EPHA5: variants seen among roughly 807,000 people sequenced by gnomAD.
The protein encoded by EPHA5 is ephrin type-A receptor 5.
A neutral mutation model predicts 105.0 loss-of-function variants in EPHA5; 60 were observed. The ratio of observed to expected loss-of-function variants is 0.57; its 90% CI spans 0.46 to 0.71. The LOEUF (loss-of-function observed/expected upper bound fraction) is 0.71. EPHA5 is among the 30% of genes least tolerant of loss of function. EPHA5 has a pLI of 0.00. For missense variants in EPHA5, 1,218 were observed against 1,274.7 expected (o/e 0.96, Z 0.68); for synonymous variants, 513 against 449.1 (o/e 1.14, Z -1.80).
rs1297209850 is a variant in EPHA5, at chr4:65,496,676, G to A, written c.911-1133C>T. Among the ~76,000 whole-genome samples the A allele has an allele frequency of 2.6e-5, 4 of 152,018 alleles. No homozygotes were observed. The East Asian group carries it at 7.8e-4, about 30-fold the overall frequency. ...CCAAGTCTTTGCTATTGTGAATAAT[G>A]CCGCAATAAACATACGTGTGCATGT... On this transcript the variant is annotated intron_variant, in intron 3 of 16. Coordinates refer to ENST00000613740, the MANE Select transcript of EPHA5 (RefSeq NM_001281766.3).
intron 3 of EPHA5, among the ~76,000 whole-genome samples, chr4:65,522,304 G>GTATATA (rs1475946732): frequency 9.8e-6 from 1 of 101,786 alleles, no homozygotes; most frequent in East Asian, 3.2e-4. Context: ...ATATGTGTGT[G>GTATATA]TATATATATA....
chr4:65,447,976 T>C (rs1181242432), intron 5 of EPHA5, among the ~76,000 whole-genome samples: 1 of 152,092 alleles, frequency 6.6e-6, no homozygotes, highest in African/African-American at 2.4e-5. Context: ...GACCAATTTC[T>C]AAAATAGATG....
intron 7 of EPHA5, among the ~76,000 whole-genome samples, chr4:65,408,604 G>A (rs1422424252): frequency 6.6e-6 from 1 of 152,022 alleles, no homozygotes; most frequent in African/African-American, 2.4e-5. Flanking sequence ...CACCATCACT[G>A]GCCATCAGAG....
At chr4:65,561,722 C>T (rs1739034089) in intron 3 of EPHA5, among the ~76,000 whole-genome samples, 1 of 152,044 alleles carries the variant, frequency 6.6e-6, no homozygotes, top group Admixed American at 6.6e-5. Flanking sequence ...TACTAAAAGC[C>T]AAATACATAT....
intron 2 of EPHA5, among the ~76,000 whole-genome samples, chr4:65,616,644 T>G (rs998590957): frequency 1.3e-5 from 2 of 152,018 alleles, no homozygotes; most frequent in Admixed American, 6.6e-5. Flanking sequence ...ATAAAGAGTA[T>G]GGGAAAACAG....
intron 3 of EPHA5, among the ~76,000 whole-genome samples, chr4:65,595,956 G>A (rs1293462187): frequency 1.3e-5 from 2 of 152,166 alleles, no homozygotes; most frequent in Non-Finnish European, 2.9e-5. Flanking sequence ...TGGGGATACA[G>A]CCTTGGTAAA....
rs144340623 is a variant in EPHA5, at chr4:65,665,569, A to G, written c.181+3993T>C. On this transcript the variant is annotated intron_variant, in intron 1 of 16. Transcript: ENST00000613740. ...GTAAAAAGTGCACCTTTTTTTCCAT[A>G]CCAACTATATTTTATGTGAATTGGA... 9.3e-3 allele frequency among the ~76,000 whole-genome samples: 1,414 copies of G among 152,126 alleles called. 25 individuals are homozygous for G. Among genetic ancestry groups the G allele is most frequent in the African/African-American group, 0.032 (1,322 of 41,532 alleles).
At chr4:65,380,309 C>T (rs1719428184) in intron 8 of EPHA5, among the ~76,000 whole-genome samples, 1 of 151,754 alleles carries the variant, frequency 6.6e-6, no homozygotes, top group African/African-American at 2.4e-5. Flanking sequence ...TTCCATTTGT[C>T]CTTCAGCAGA....
At chr4:65,642,182 A>T (rs902952447) in intron 2 of EPHA5, among the ~76,000 whole-genome samples, 3 of 152,114 alleles carry the variant, frequency 2.0e-5, no homozygotes, top group Non-Finnish European at 4.4e-5. Context: ...AGAAAAAAAA[A>T]TTAAAATATT....
chr4:65,653,214 G>A (rs1461103006), intron 1 of EPHA5, among the ~76,000 whole-genome samples: 1 of 152,034 alleles, frequency 6.6e-6, no homozygotes, highest in Non-Finnish European at 1.5e-5. Context: ...CTATTTTAAA[G>A]TGATGGCACA....
intron 11 of EPHA5, among the ~76,000 whole-genome samples, chr4:65,354,323 C>G (rs544966294): frequency 1.3e-5 from 2 of 151,602 alleles, no homozygotes; most frequent in African/African-American, 4.8e-5. Context: ...CATTTCATAC[C>G]TAGTATGTCT....
chr4:65,517,511 TATC>T (rs1381252862), intron 3 of EPHA5, among the ~76,000 whole-genome samples: 3 of 152,070 alleles, frequency 2.0e-5, no homozygotes, highest in Admixed American at 2.0e-4. Context: ...TTAAGCCAGT[TATC>T]ATGTAATGTA....
chr4:65,437,155 T>G (rs1389212809), intron 5 of EPHA5, among the ~76,000 whole-genome samples: 2 of 152,072 alleles, frequency 1.3e-5, no homozygotes, highest in Non-Finnish European at 2.9e-5. Context: ...TATTATTTTA[T>G]TTTTATTTCC....
At position 65,320,010 on chromosome 4, in the gene EPHA5, C is replaced by A. The variant is rs149103918; in HGVS notation, c.*4104G>T. The stretch of plus-strand genomic sequence containing the variant: ...TTTCTCCATTAACGTTTAGAAGAAA[C>A]AAACAACATTTGATTCTGATTATTA... On this transcript the variant is annotated 3_prime_UTR_variant, in exon 17 of 17. Coordinates refer to ENST00000613740, the MANE Select transcript of EPHA5 (RefSeq NM_001281766.3). 8.7e-6 allele frequency: 2 copies of A among 230,062 alleles called. No homozygotes were observed. Among genetic ancestry groups the A allele is most frequent in the East Asian group, 6.2e-5 (1 of 16,246 alleles). The allele number at this position is 230,062 out of a possible 1,614,324, so 14.3% of individuals were successfully genotyped here.
At chr4:65,526,578 T>A (rs549768977) in intron 3 of EPHA5, among the ~76,000 whole-genome samples, 1 of 152,086 alleles carries the variant, frequency 6.6e-6, no homozygotes, top group East Asian at 1.9e-4. Context: ...ATAAGATAAG[T>A]TAATGGCCAA....
At chr4:65,418,527 T>A (rs1286088877) in intron 6 of EPHA5, among the ~76,000 whole-genome samples, 1 of 152,226 alleles carries the variant, frequency 6.6e-6, no homozygotes, top group Non-Finnish European at 1.5e-5. Flanking sequence ...TGGTGAATAA[T>A]GTATTTAATA....
intron 5 of EPHA5, among the ~76,000 whole-genome samples, chr4:65,439,023 C>T (rs1725760345): frequency 6.6e-6 from 1 of 152,048 alleles, no homozygotes; most frequent in African/African-American, 2.4e-5. Flanking sequence ...CACCAATTCA[C>T]AGAAACTTCT....
intron 3 of EPHA5, among the ~76,000 whole-genome samples, chr4:65,566,239 CAATAT>C (rs1739521045): frequency 1.3e-5 from 2 of 151,694 alleles, no homozygotes; most frequent in African/African-American, 2.4e-5. Context: ...GTACATGTCA[CAATAT>C]AATAACAGTC....
intron 5 of EPHA5, among the ~76,000 whole-genome samples, chr4:65,462,493 C>G (rs1051239069): frequency 6.6e-6 from 1 of 152,120 alleles, no homozygotes; most frequent in Admixed American, 6.5e-5. Context: ...ATCCACAGGT[C>G]TGTATTCATC....
Sources: allele counts gnomAD v4.1 joint callset (sites outside exome capture counted in the v4.1 genomes callset), GRCh38; gene constraint gnomAD v4.1.1; transcripts MANE v1.5; gene names NCBI Gene and HGNC (gene_info 2026-07-23, HGNC 2026-07-21).